The following PPFIBP2 variants were observed in gnomAD, a reference collection of about 807,000 sequenced individuals.
PPFIBP2 encodes liprin-beta-2.
A neutral mutation model predicts 118.3 loss-of-function variants in PPFIBP2; 118 were observed. The observed-to-expected ratio is 1.00, with a 90% CI of 0.86 to 1.16. The LOEUF is 1.16. Among genes scored for constraint, PPFIBP2 ranks in the 50% most tolerant of loss-of-function variants. The pLI is 0.00. For missense variants in PPFIBP2, 1,195 were observed against 1,073.1 expected (o/e 1.11, Z -1.59); for synonymous variants, 414 against 397.4 (o/e 1.04, Z -0.50).
Position 7,628,231 on chromosome 11 carries a change from G to A in PPFIBP2, c.827-54G>A, listed in dbSNP as rs950118168. The A allele has an allele frequency of 1.3e-4, 193 of 1,473,014 alleles. 5 individuals are homozygous for A. In the South Asian group the frequency reaches 2.0e-3, roughly 15 times the overall value. 91.2% of individuals were successfully genotyped at this position (1,473,014 alleles called of 1,614,324 possible). On this transcript the variant is annotated intron_variant, in intron 8 of 23. Transcript: ENST00000299492. ...ACTTGGGGGACATCATAGCAAGTGC[G>A]GATAGCTGTCTGTATTTATATAAAT...
At position 7,620,496 on chromosome 11, in the gene PPFIBP2, T is replaced by G. The variant is rs144861117; in HGVS notation, c.619-439T>G. Among the ~76,000 whole-genome samples, 5 of 152,294 alleles carry G rather than the reference T, an allele frequency of 3.3e-5. No homozygotes were observed. In the East Asian group the frequency reaches 7.7e-4, roughly 24 times the overall value. On this transcript the variant is annotated intron_variant, in intron 6 of 23. Transcript: ENST00000299492. ...AGGCCTTTCAGGATCACAGGCCCCC[T>G]CTTCTATCTTCCTTCACTCCCAGCA...
intron 3 of PPFIBP2, among the ~76,000 whole-genome samples, chr11:7,592,396 GTTTCTGGCTA>G (rs1432541094): frequency 1.3e-5 from 2 of 152,076 alleles, no homozygotes; most frequent in Non-Finnish European, 2.9e-5. Flanking sequence ...CTTTTCTATA[GTTTCTGGCTA>G]CCTGTAATTT....
At chr11:7,587,931 C>T (rs1017572469) in intron 3 of PPFIBP2, among the ~76,000 whole-genome samples, 7 of 152,152 alleles carry the variant, frequency 4.6e-5, no homozygotes, top group African/African-American at 1.7e-4. Context: ...GATTCTCTGC[C>T]AAGACTGATA....
At chr11:7,517,656 T>A (rs1849344810) in intron 1 of PPFIBP2, among the ~76,000 whole-genome samples, 1 of 152,088 alleles carries the variant, frequency 6.6e-6, no homozygotes, top group Non-Finnish European at 1.5e-5. Context: ...GTTAGGAGAC[T>A]TGTCCATCAA....
At chr11:7,577,243 C>T in intron 3 of PPFIBP2, 1 of 183,660 alleles carries the variant, frequency 5.4e-6, no homozygotes, top group African/African-American at 2.4e-5. Context: ...TTTCTTTTTT[C>T]TCTACCTTTG....
chr11:7,580,841 C>T (rs11827218), intron 3 of PPFIBP2, among the ~76,000 whole-genome samples: 38,249 of 152,074 alleles, frequency 0.25, 5,793 homozygotes, highest in African/African-American at 0.43. Context: ...CAATAACATG[C>T]TTGCTATTAA....
At chr11:7,561,523 TC>T (rs1336841204) in intron 2 of PPFIBP2, among the ~76,000 whole-genome samples, 2 of 149,720 alleles carry the variant, frequency 1.3e-5, no homozygotes, top group Non-Finnish European at 2.9e-5. Context: ...ACCTATCTTC[TC>T]TTTGTATTTC....
At chr11:7,528,673 G>A (rs1372657564) in intron 1 of PPFIBP2, among the ~76,000 whole-genome samples, 5 of 152,212 alleles carry the variant, frequency 3.3e-5, no homozygotes, top group East Asian at 3.8e-4. Context: ...AGGAGGGACC[G>A]ATACAGTTCA....
At chr11:7,569,748 A>G (rs1389679334) in intron 3 of PPFIBP2, among the ~76,000 whole-genome samples, 1 of 152,172 alleles carries the variant, frequency 6.6e-6, no homozygotes, top group Non-Finnish European at 1.5e-5. Flanking sequence ...AGCCAAGCTC[A>G]GGGTCAGTGC....
chr11:7,651,046 A>C, intron 22 of PPFIBP2, 81 bp downstream of exon 22: 4 of 1,421,680 alleles, frequency 2.8e-6, no homozygotes, highest in Non-Finnish European at 3.8e-6. Context: ...ACAAGGCACA[A>C]AAGCTAACGA....
At chr11:7,630,385 C>G (rs1850598573) in intron 10 of PPFIBP2, among the ~76,000 whole-genome samples, 2 of 152,218 alleles carry the variant, frequency 1.3e-5, no homozygotes, top group Admixed American at 1.3e-4. Context: ...AATCTCAGCT[C>G]ACCGTAACCT....
At chr11:7,638,874 A>C (rs544529824) in intron 14 of PPFIBP2, among the ~76,000 whole-genome samples, 1 of 152,324 alleles carries the variant, frequency 6.6e-6, no homozygotes, top group African/African-American at 2.4e-5. Context: ...GCCAGGGTCC[A>C]AGCATGGAGC....
chr11:7,663,216 G>A, the PPFIBP2 span, among the ~76,000 whole-genome samples: 4 of 133,070 alleles, frequency 3.0e-5, 1 homozygote, highest in African/African-American at 7.4e-5. Flanking sequence ...TGGAGGAGGA[G>A]AGGCGCTCTG....
chr11:7,542,429 T>G (rs1269078341), intron 1 of PPFIBP2, among the ~76,000 whole-genome samples: 1 of 152,300 alleles, frequency 6.6e-6, no homozygotes, highest in African/African-American at 2.4e-5. Flanking sequence ...CCACTATATA[T>G]CCACACAATT....
intron 17 of PPFIBP2, among the ~76,000 whole-genome samples, chr11:7,644,596 C>T (rs1487435905): frequency 6.6e-6 from 1 of 152,078 alleles, no homozygotes; most frequent in Non-Finnish European, 1.5e-5. Context: ...TTCCTACACG[C>T]ATGGTGAGTC....
At chr11:7,663,868 C>T in the PPFIBP2 span, among the ~76,000 whole-genome samples, 2 of 152,192 alleles carry the variant, frequency 1.3e-5, no homozygotes, top group Non-Finnish European at 2.9e-5. Flanking sequence ...TTTTTTAAGC[C>T]CGTCGGAAAA....
chr11:7,664,305 A>G, the PPFIBP2 span, among the ~76,000 whole-genome samples: 1 of 152,178 alleles, frequency 6.6e-6, no homozygotes, highest in Non-Finnish European at 1.5e-5. Context: ...TTCCAGGTAG[A>G]CAGACTTGAA....
At position 7,653,334 on chromosome 11, in the gene PPFIBP2, C is replaced by A; in HGVS notation, c.*116C>A. 6.6e-7 allele frequency: 1 copy of A among 1,508,792 alleles called. No homozygotes were observed. 93.5% of individuals were successfully genotyped at this position (1,508,792 alleles called of 1,614,324 possible). A position where few individuals can be genotyped will look rare whatever the true frequency, so the allele number is the denominator to read the frequency against. On this transcript the variant is annotated 3_prime_UTR_variant, in exon 24 of 24. Transcript: ENST00000299492. ...GCATGACTCGCAGAGAATATTCCAGCAATTGTGTACCCCTGGGCCAGTCTC... is the reference window on the plus strand; with the variant it reads ...GCATGACTCGCAGAGAATATTCCAGAAATTGTGTACCCCTGGGCCAGTCTC...
intron 17 of PPFIBP2, among the ~76,000 whole-genome samples, chr11:7,646,450 T>C (rs993088554): frequency 6.6e-6 from 1 of 152,226 alleles, no homozygotes; most frequent in Non-Finnish European, 1.5e-5. Flanking sequence ...AGATAAATAT[T>C]GATCAGTCAT....
Sources: allele counts gnomAD v4.1 joint callset (sites outside exome capture counted in the v4.1 genomes callset), GRCh38; gene constraint gnomAD v4.1.1; transcripts MANE v1.5; gene names NCBI Gene and HGNC (gene_info 2026-07-23, HGNC 2026-07-21).